INVS: variants seen among roughly 807,000 people sequenced by gnomAD.
The protein encoded by INVS is inversion of embryo turning homolog.
Under a neutral mutation model 108.8 loss-of-function variants are expected in INVS, and 86 were observed. The ratio of observed to expected loss-of-function variants is 0.79; its 90% confidence interval spans 0.66 to 0.95. INVS has a LOEUF of 0.95. Ranked by LOEUF, INVS falls within the 40% of genes least tolerant of loss-of-function variation. The probability of loss-of-function intolerance (pLI) is 0.00; values close to 1 mark genes in which losing one functional copy is unlikely to be tolerated. For synonymous variants in INVS, 455 were observed against 473.5 expected, an observed-to-expected ratio of 0.96 and a Z score of 0.51; for missense variants, 1,169 against 1,297.4, an observed-to-expected ratio of 0.90 and a Z score of 1.52.
chr9:100,133,465 A>T (rs940396775), intron 3 of INVS, among the ~76,000 whole-genome samples: 1 of 152,054 alleles, frequency 6.6e-6, no homozygotes, highest in Non-Finnish European at 1.5e-5. Context: ...TTTCAACTTA[A>T]TATTATGTAT....
intron 3 of INVS, among the ~76,000 whole-genome samples, chr9:100,170,393 CAAA>C (rs10585469): frequency 0.69 from 84,537 of 122,672 alleles, 26,714 homozygotes; most frequent in East Asian, 0.88. Flanking sequence ...CCTGTCTGTA[CAAA>C]AAAAAAAAAA....
chr9:100,273,353 A>T (rs916116084), intron 12 of INVS, among the ~76,000 whole-genome samples: 3 of 151,768 alleles, frequency 2.0e-5, no homozygotes, highest in Non-Finnish European at 4.4e-5. Flanking sequence ...CATGGGAGGG[A>T]GTTGGGGATG....
intron 3 of INVS, among the ~76,000 whole-genome samples, chr9:100,140,811 T>G (rs1410653301): frequency 6.6e-6 from 1 of 152,128 alleles, no homozygotes; most frequent in Non-Finnish European, 1.5e-5. Context: ...AGGAGAAACG[T>G]TCGTCATTTA....
chr9:100,122,635 G>C (rs1261738280), intron 2 of INVS, among the ~76,000 whole-genome samples: 2 of 132,222 alleles, frequency 1.5e-5, no homozygotes, highest in African/African-American at 5.6e-5. Context: ...CCAGGCTGGA[G>C]TGCAGTGGCA....
At chr9:100,254,662 A>C (rs1832354828) in intron 10 of INVS, among the ~76,000 whole-genome samples, 1 of 152,172 alleles carries the variant, frequency 6.6e-6, no homozygotes, top group South Asian at 2.1e-4. Context: ...AGCACTGTTT[A>C]TTAAATAGGG....
intron 3 of INVS, among the ~76,000 whole-genome samples, chr9:100,184,460 T>G (rs148397219): frequency 4.6e-4 from 70 of 152,324 alleles, no homozygotes; most frequent in African/African-American, 1.5e-3. Flanking sequence ...GACCACTTGC[T>G]TCGTGTTGAT....
chr9:100,122,100 T>G (rs1588016476), intron 2 of INVS, among the ~76,000 whole-genome samples: 1 of 152,230 alleles, frequency 6.6e-6, no homozygotes, highest in East Asian at 1.9e-4. Context: ...ATATTGTATA[T>G]TTTGGTCAAG....
intron 13 of INVS, among the ~76,000 whole-genome samples, chr9:100,287,352 G>C (rs916424915): frequency 1.1e-4 from 17 of 152,132 alleles, no homozygotes; most frequent in South Asian, 2.1e-4. Flanking sequence ...AGCAAGTTAC[G>C]AGACCATCCC....
At chr9:100,244,012 A>AAAAT (rs749238339) in intron 7 of INVS, among the ~76,000 whole-genome samples, 10 of 152,104 alleles carry the variant, frequency 6.6e-5, no homozygotes, top group East Asian at 3.9e-4. Flanking sequence ...CTTCATCTCA[A>AAAAT]AAATAAATAA....
At chr9:100,101,292 A>G (rs1826982598) in intron 1 of INVS, 1 of 151,480 alleles carries the variant, frequency 6.6e-6, no homozygotes, top group Admixed American at 6.6e-5. Flanking sequence ...TATTTTTTGC[A>G]TTTTACAGAA....
At chr9:100,179,105 A>G (rs887751951) in intron 3 of INVS, among the ~76,000 whole-genome samples, 3 of 152,238 alleles carry the variant, frequency 2.0e-5, no homozygotes, top group Non-Finnish European at 4.4e-5. Context: ...TTTTGTCACC[A>G]CCAGGCCTGG....
At chr9:100,220,751 C>T (rs192527164) in intron 3 of INVS, among the ~76,000 whole-genome samples, 1 of 152,254 alleles carries the variant, frequency 6.6e-6, no homozygotes, top group African/African-American at 2.4e-5. Context: ...AATCCCAGCA[C>T]TTTGGGAGGC....
At chr9:100,237,452 C>T (rs1831723007) in intron 5 of INVS, among the ~76,000 whole-genome samples, 1 of 152,118 alleles carries the variant, frequency 6.6e-6, no homozygotes, top group African/African-American at 2.4e-5. Context: ...AAACGGCCAC[C>T]CAGTTTTGCG....
chr9:100,182,007 C>T (rs1829902503), intron 3 of INVS, among the ~76,000 whole-genome samples: 1 of 152,088 alleles, frequency 6.6e-6, no homozygotes, highest in Admixed American at 6.6e-5. Context: ...CAAAAACAAG[C>T]AATGGGGAAA....
At chr9:100,253,518 A>C (rs952682247) in intron 10 of INVS, among the ~76,000 whole-genome samples, 1 of 151,832 alleles carries the variant, frequency 6.6e-6, no homozygotes, top group Non-Finnish European at 1.5e-5. Flanking sequence ...GCACCCATTA[A>C]CTCATCATTT....
intron 6 of INVS, among the ~76,000 whole-genome samples, chr9:100,241,437 C>A (rs1226545715): frequency 1.3e-5 from 2 of 152,008 alleles, no homozygotes; most frequent in South Asian, 2.1e-4. Flanking sequence ...TCATTTCACT[C>A]TGTTTTCTTC....
At chr9:100,241,234 T>C (rs1831861430) in intron 6 of INVS, among the ~76,000 whole-genome samples, 1 of 152,190 alleles carries the variant, frequency 6.6e-6, no homozygotes, top group South Asian at 2.1e-4. Flanking sequence ...TCCCTTTTTA[T>C]TTTTCTTCTG....
intron 3 of INVS, among the ~76,000 whole-genome samples, chr9:100,147,654 T>C (rs1009935302): frequency 6.6e-6 from 1 of 152,110 alleles, no homozygotes; most frequent in African/African-American, 2.4e-5. Flanking sequence ...AGAAGGTTTT[T>C]TATGGCAGCA....
At chr9:100,298,195 C>T in intron 16 of INVS, 185 bp downstream of exon 16, 10 of 1,505,140 alleles carry the variant, frequency 6.6e-6, no homozygotes, top group Non-Finnish European at 8.8e-6. Context: ...ATTTTCACAA[C>T]TAAAAGCTAT....
Sources: gnomAD v4.1 joint callset for allele counts (sites outside exome capture counted in the v4.1 genomes callset) on GRCh38, gnomAD v4.1.1 for gene constraint, MANE v1.5 for transcripts, NCBI Gene and HGNC (gene_info 2026-07-23, HGNC 2026-07-21) for gene names.